The following LNX1 variants were observed in gnomAD, a reference collection of about 807,000 sequenced individuals.
The protein encoded by LNX1 is E3 ubiquitin-protein ligase LNX.
In LNX1, 54 loss-of-function variants were observed where a neutral mutation model predicts 68.4. The observed-to-expected ratio is 0.79, with a 90% CI of 0.63 to 0.99. The LOEUF is 0.99. LNX1 is among the 50% of genes least tolerant of loss of function. LNX1 has a pLI of 0.00. For missense variants in LNX1, 906 were observed against 926.4 expected (o/e 0.98, Z 0.29); for synonymous variants, 336 against 350.0 (o/e 0.96, Z 0.45).
chr4:53,513,016 C>T (rs1726473588), intron 2 of LNX1, among the ~76,000 whole-genome samples: 1 of 152,140 alleles, frequency 6.6e-6, no homozygotes, highest in African/African-American at 2.4e-5. Flanking sequence ...ACCACATCTC[C>T]ATGGCTTTGC....
intron 2 of LNX1, among the ~76,000 whole-genome samples, chr4:53,567,408 C>T (rs1285902679): frequency 2.7e-5 from 4 of 150,644 alleles, no homozygotes; most frequent in South Asian, 4.2e-4. Context: ...GGGTACATAA[C>T]GAAATGAAGG....
intron 1 of LNX1, among the ~76,000 whole-genome samples, chr4:53,644,923 C>A (rs556158847): frequency 1.3e-5 from 2 of 152,136 alleles, no homozygotes; most frequent in South Asian, 2.1e-4. Context: ...AGTCAAAATG[C>A]GCTTCTCAGT....
chr4:53,528,732 A>G (rs760908342), intron 2 of LNX1, among the ~76,000 whole-genome samples: 2 of 152,088 alleles, frequency 1.3e-5, no homozygotes, highest in Non-Finnish European at 2.9e-5. Context: ...CAGATAATTG[A>G]CCAAAGCTGG....
intron 2 of LNX1, among the ~76,000 whole-genome samples, chr4:53,570,459 A>T (rs1337740490): frequency 2.6e-4 from 36 of 137,984 alleles, no homozygotes; most frequent in African/African-American, 9.7e-4. Context: ...GTGGGAATTG[A>T]ACAATGAGAT....
Position 53,493,215 on chromosome 4 carries a change from C to T in LNX1, c.1350+2808G>A, listed in dbSNP as rs145775437. 4.9e-3 allele frequency among the ~76,000 whole-genome samples: 746 copies of T among 152,260 alleles called. 8 individuals carry two copies. Among genetic ancestry groups the T allele is most frequent in the African/African-American group, 0.017 (722 of 41,538 alleles). On this transcript the variant is annotated intron_variant, in intron 6 of 10. Transcript: ENST00000263925. ...AACTACTGACCTCATGATCTGCCTG[C>T]CTCGGCCTCCCAAAGTGCTGGAATT...
chr4:53,515,610 G>C (rs1387680548), intron 2 of LNX1, among the ~76,000 whole-genome samples: 1 of 151,594 alleles, frequency 6.6e-6, no homozygotes, highest in South Asian at 2.1e-4. Context: ...TATTTGCTTT[G>C]AGTTTAAGAA....
chr4:53,507,540 A>C, intron 3 of LNX1, 71 bp from the exon 4 acceptor site: 14 of 1,450,926 alleles, frequency 9.6e-6, no homozygotes, highest in South Asian at 2.3e-5. Context: ...CATATCTGAT[A>C]AGATATACAC....
chr4:53,634,779 G>A (rs1372407880), intron 1 of LNX1, among the ~76,000 whole-genome samples: 2 of 151,436 alleles, frequency 1.3e-5, no homozygotes, highest in Non-Finnish European at 2.9e-5. Context: ...AGTCTTCCCT[G>A]GCATGTTTGT....
chr4:53,638,520 C>T (rs538382411), intron 1 of LNX1, among the ~76,000 whole-genome samples: 12 of 152,288 alleles, frequency 7.9e-5, no homozygotes, highest in Non-Finnish European at 1.2e-4. Flanking sequence ...CCAACAGTGA[C>T]GCTCTGGCTT....
intron 2 of LNX1, chr4:53,508,467 A>T (rs1208361667): frequency 1.0e-5 from 5 of 499,380 alleles, no homozygotes; most frequent in African/African-American, 9.6e-5. Flanking sequence ...TCTTAAAGCA[A>T]TCTCTACATT....
chr4:53,461,809 A>T (rs1459464933), intron 9 of LNX1, among the ~76,000 whole-genome samples: 1 of 152,074 alleles, frequency 6.6e-6, no homozygotes, highest in Non-Finnish European at 1.5e-5. Context: ...GAATATCCTT[A>T]AAAAACTGAC....
chr4:53,547,714 A>G (rs1299440206), intron 2 of LNX1, among the ~76,000 whole-genome samples: 2 of 152,194 alleles, frequency 1.3e-5, no homozygotes, highest in Non-Finnish European at 2.9e-5. Context: ...CAAGAGTTAA[A>G]CATGGGAGAA....
chr4:53,545,041 C>A (rs377066324), intron 2 of LNX1, among the ~76,000 whole-genome samples: 34 of 152,182 alleles, frequency 2.2e-4, no homozygotes, highest in African/African-American at 7.7e-4. Flanking sequence ...TTAAAAACTG[C>A]ACCAGCATCT....
intron 1 of LNX1, among the ~76,000 whole-genome samples, chr4:53,640,670 A>G (rs1734644500): frequency 6.6e-6 from 1 of 152,336 alleles, no homozygotes; most frequent in East Asian, 1.9e-4. Context: ...ATTGTTGTCA[A>G]CAGTAGGAAC....
At chr4:53,583,553 A>G (rs963536110) in intron 1 of LNX1, among the ~76,000 whole-genome samples, 2 of 55,068 alleles carry the variant, frequency 3.6e-5, no homozygotes, top group African/African-American at 6.3e-5. Flanking sequence ...AAAAATACAG[A>G]AAAAAAAAAC....
intron 2 of LNX1, among the ~76,000 whole-genome samples, chr4:53,610,715 G>T (rs1462545641): frequency 8.9e-6 from 1 of 112,534 alleles, no homozygotes; most frequent in Non-Finnish European, 1.7e-5. Context: ...TCTCAAAGAG[G>T]AAAAAAAAAA....
At chr4:53,557,954 A>T (rs1381113867) in intron 2 of LNX1, 19 of 1,613,506 alleles carry the variant, frequency 1.2e-5, no homozygotes, top group Non-Finnish European at 1.3e-5. Context: ...CCAGCAACAG[A>T]AGCGCCTTCA....
intron 6 of LNX1, among the ~76,000 whole-genome samples, chr4:53,490,158 T>C (rs911530112): frequency 6.6e-6 from 1 of 152,148 alleles, no homozygotes; most frequent in African/African-American, 2.4e-5. Context: ...ATTACACATA[T>C]GCCGGTATTG....
chr4:53,487,119 T>A (rs1415286950), intron 6 of LNX1, among the ~76,000 whole-genome samples: 1 of 151,778 alleles, frequency 6.6e-6, no homozygotes, highest in Non-Finnish European at 1.5e-5. Context: ...TAACATAGAT[T>A]TGCAACTTCC....
Sources: gnomAD v4.1 joint callset for allele counts (sites outside exome capture counted in the v4.1 genomes callset) on GRCh38, gnomAD v4.1.1 for gene constraint, MANE v1.5 for transcripts, NCBI Gene and HGNC (gene_info 2026-07-23, HGNC 2026-07-21) for gene names.